Variants in PIEZO2 observed in about 807,000 individuals in gnomAD.
PIEZO2 encodes piezo-type mechanosensitive ion channel component 2.
A neutral mutation model predicts 337.3 loss-of-function variants in PIEZO2; 172 were observed. The ratio of observed to expected loss-of-function variants is 0.51; its 90% confidence interval spans 0.45 to 0.58. PIEZO2 has a LOEUF of 0.58. Among genes scored for constraint, PIEZO2 ranks in the 20% least tolerant of loss-of-function variants. The pLI, the probability that PIEZO2 is intolerant of heterozygous loss-of-function variation, is 0.00. For synonymous variants in PIEZO2, 1,251 were observed against 1,228.5 expected (o/e 1.02, Z -0.38); for missense variants, 3,028 against 3,391.3 (o/e 0.89, Z 2.66).
rs753941390 is a variant in PIEZO2, at chr18:11,104,685, C to T, written c.65-38463G>A. On this transcript the variant is annotated intron_variant, in intron 1 of 55. Transcript: ENST00000674853. The surrounding 1 kb of genome is among the most constrained non-coding windows in gnomAD (Gnocchi z 4.6). ...ACCTACAACAAAGAGGTCTGTGGCC[C>T]GGCTGAGCCAAGATGCCATGAACAT... 2.6e-5 allele frequency among the ~76,000 whole-genome samples: 4 copies of T among 152,334 alleles called. No individual in the cohort carries two copies. Among genetic ancestry groups the T allele is most frequent in the Admixed American group, 6.5e-5 (1 of 15,308 alleles).
intron 3 of PIEZO2, among the ~76,000 whole-genome samples, chr18:10,938,512 A>C (rs141951975): frequency 7.2e-4 from 109 of 152,348 alleles, no homozygotes; most frequent in African/African-American, 2.6e-3. Context: ...AAGTCAACAA[A>C]GATTTAGTAT....
chr18:10,693,578 G>A (rs1203850374), intron 47 of PIEZO2, among the ~76,000 whole-genome samples: 1 of 151,576 alleles, frequency 6.6e-6, no homozygotes, highest in Admixed American at 6.6e-5. Context: ...GGCCAGGCTG[G>A]TCTGGTATCT....
chr18:11,075,130 A>G (rs2145955545), intron 1 of PIEZO2, among the ~76,000 whole-genome samples: 1 of 152,354 alleles, frequency 6.6e-6, no homozygotes, highest in East Asian at 1.9e-4. Flanking sequence ...TACTCCGAAT[A>G]AGCAACTTTA....
chr18:10,842,539 C>G (rs2041229450), intron 7 of PIEZO2, among the ~76,000 whole-genome samples: 1 of 152,220 alleles, frequency 6.6e-6, no homozygotes, highest in South Asian at 2.1e-4. Context: ...TCTCTAAAAA[C>G]ACTGGCTCCC....
chr18:10,868,094 A>T lies in PIEZO2; in HGVS notation c.492+3159T>A, dbSNP rs185027128. Among the ~76,000 whole-genome samples, 5 of 152,356 alleles carry T rather than the reference A, an allele frequency of 3.3e-5. No individual in the cohort carries two copies. In the East Asian group the frequency reaches 9.6e-4, roughly 29 times the overall value. On this transcript the variant is annotated intron_variant, in intron 5 of 55. Transcript: ENST00000674853. ...TAAAACACCAAACTTGAGCCTTATCAAATCAGTGAAGATTACAGAAGACCC... is the reference window on the plus strand; with the variant it reads ...TAAAACACCAAACTTGAGCCTTATCTAATCAGTGAAGATTACAGAAGACCC...
intron 4 of PIEZO2, among the ~76,000 whole-genome samples, chr18:10,898,174 T>C (rs1207212606): frequency 1.3e-5 from 2 of 152,222 alleles, no homozygotes; most frequent in African/African-American, 4.8e-5. Flanking sequence ...AGAGACTCTG[T>C]ATATATTTAG....
intron 35 of PIEZO2, among the ~76,000 whole-genome samples, chr18:10,733,116 T>C (rs997136877): frequency 1.3e-5 from 2 of 152,016 alleles, no homozygotes; most frequent in Non-Finnish European, 2.9e-5. Context: ...ATCGAAGAAG[T>C]CTTGTAGAAA....
chr18:10,944,840 C>T (rs1028281173), intron 3 of PIEZO2, among the ~76,000 whole-genome samples: 3 of 151,886 alleles, frequency 2.0e-5, no homozygotes, highest in African/African-American at 7.3e-5. Context: ...CAAGTATTTT[C>T]AAGACACTGA....
intron 9 of PIEZO2, among the ~76,000 whole-genome samples, chr18:10,803,237 A>G (rs1235067820): frequency 6.6e-6 from 1 of 152,188 alleles, no homozygotes; most frequent in Non-Finnish European, 1.5e-5. Flanking sequence ...CAGGTATCGA[A>G]CTCTACCAAA....
intron 45 of PIEZO2, among the ~76,000 whole-genome samples, chr18:10,696,865 C>T (rs972090000): frequency 2.0e-5 from 3 of 152,176 alleles, no homozygotes; most frequent in African/African-American, 4.8e-5. Context: ...TGCTCACCAC[C>T]GGCGAGAACC....
Position 11,097,036 on chromosome 18 carries a change from A to G in PIEZO2, c.65-30814T>C, listed in dbSNP as rs748324983. Among the ~76,000 whole-genome samples the G allele has an allele frequency of 2.0e-5, 3 of 152,170 alleles. No homozygotes were observed. Among genetic ancestry groups the G allele is most frequent in the Admixed American group, 6.5e-5 (1 of 15,276 alleles). ...AGGACACTGTCAGATAAAAATAGCT[A>G]ATGAGTTAAGTCTGTCTCCAGTGTA... On this transcript the variant is annotated intron_variant, in intron 1 of 55. Transcript: ENST00000674853. This position sits in a 1 kb window ranked among gnomAD's most constrained non-coding sequence, Gnocchi z 5.0.
chr18:10,826,629 A>G (rs2040685451), intron 7 of PIEZO2, among the ~76,000 whole-genome samples: 1 of 152,226 alleles, frequency 6.6e-6, no homozygotes, highest in East Asian at 1.9e-4. Flanking sequence ...CTTCAGTGAA[A>G]TAACACATTG....
rs77312755 is a variant in PIEZO2, at chr18:10,850,938, T to A, written c.917+4415A>T. Among the ~76,000 whole-genome samples the A allele has an allele frequency of 2.0e-5, 3 of 152,120 alleles. No homozygotes were observed. Among genetic ancestry groups the A allele is most frequent in the Non-Finnish European group, 4.4e-5 (3 of 68,020 alleles). On this transcript the variant is annotated intron_variant, in intron 7 of 55. Coordinates refer to ENST00000674853, the MANE Select transcript of PIEZO2 (RefSeq NM_001378183.1). The surrounding 1 kb of genome is among the most constrained non-coding windows in gnomAD (Gnocchi z 4.5). ...CAATATTTCTAAAAATAAGGTTAAT[T>A]CTCACCAGAGAGCACATTTGAAAGC...
chr18:11,067,960 C>T (rs919396207), intron 1 of PIEZO2, among the ~76,000 whole-genome samples: 1 of 152,170 alleles, frequency 6.6e-6, no homozygotes, highest in African/African-American at 2.4e-5. Flanking sequence ...CTTGCTCTGT[C>T]CCCCAGGCTG....
At chr18:10,814,529 T>C (rs2144399169) in intron 7 of PIEZO2, among the ~76,000 whole-genome samples, 1 of 152,240 alleles carries the variant, frequency 6.6e-6, no homozygotes, top group East Asian at 1.9e-4. Context: ...TTCAGGAAGT[T>C]TGAGAATTTG....
In PIEZO2 at chr18:10,761,197, A is replaced by G. The variant is rs1019684835; in HGVS notation, c.3250-86T>C. On this transcript the variant is annotated intron_variant, in intron 23 of 55. Coordinates refer to ENST00000674853, the MANE Select transcript of PIEZO2 (RefSeq NM_001378183.1). ...CAATCCCCACATTCTGCACAGCTAC[A>G]AGGACAATGTTTTATAAAAGCTCAC... 12 of 1,187,912 alleles carry G rather than the reference A, an allele frequency of 1.0e-5. No individual in the cohort carries two copies. The East Asian group carries it at 1.0e-4, about 10-fold the overall frequency. The allele number at this position is 1,187,912 out of a possible 1,614,324, so 73.6% of individuals were successfully genotyped here.
chr18:10,731,436 C>T lies in PIEZO2; in HGVS notation c.5000G>A (p.Arg1667Gln), dbSNP rs1243353768. The change falls in exon 36 of 56, where the codon CGG becomes CAG. Residue 1667 changes from arginine to glutamine, a missense_variant. Around this residue, in one of 5 missense-constraint regions of PIEZO2, gnomAD observed 1,925 missense variants for 2,051.9 expected, o/e 0.94. Transcript: ENST00000674853. ...KEKKRSAREERKRRRKGSKEG... is the reference protein window; with the variant it reads ...KEKKRSAREEQKRRRKGSKEG... ...CTTGGATCCTTTCCGCCTTCGTTTCCGTTCTTCTCTTGCAGACCTTTTTTT... is the reference window on the plus strand; with the variant it reads ...CTTGGATCCTTTCCGCCTTCGTTTCTGTTCTTCTCTTGCAGACCTTTTTTT... The T allele has an allele frequency of 7.8e-6, 12 of 1,535,304 alleles. No homozygotes were observed. In the Admixed American group the frequency reaches 1.4e-4, roughly 18 times the overall value.
chr18:11,045,456 C>T (rs1282710700), intron 2 of PIEZO2, among the ~76,000 whole-genome samples: 1 of 152,236 alleles, frequency 6.6e-6, no homozygotes, highest in Non-Finnish European at 1.5e-5. Context: ...CCTTCCGGTG[C>T]TTGGGAACCC....
chr18:10,673,376 G>A lies in PIEZO2; in HGVS notation c.8162-503C>T, dbSNP rs2033862220. On this transcript the variant is annotated intron_variant, in intron 54 of 55. Coordinates refer to ENST00000674853, the MANE Select transcript of PIEZO2 (RefSeq NM_001378183.1). The surrounding 1 kb of genome is among the most constrained non-coding windows in gnomAD (Gnocchi z 4.8). ...AAGCACAATTTATGGGCACATGACA[G>A]CCACCATGGGACCAGCATTGACAAG... 1.3e-5 allele frequency among the ~76,000 whole-genome samples: 2 copies of A among 152,208 alleles called. No individual in the cohort carries two copies. Among genetic ancestry groups the A allele is most frequent in the African/African-American group, 4.8e-5 (2 of 41,452 alleles).
Sources: gnomAD v4.1 joint callset for allele counts (sites outside exome capture counted in the v4.1 genomes callset) on GRCh38, gnomAD v4.1.1 for gene constraint, gnomAD v4.1.1 regional missense constraint, Gnocchi (gnomAD v3.1) non-coding constraint, MANE v1.5 for transcripts, NCBI Gene and HGNC (gene_info 2026-07-23, HGNC 2026-07-21) for gene names.